GPR39: variants seen among roughly 807,000 people sequenced by gnomAD.
The protein encoded by GPR39 is zinc sensing receptor.
GPR39 carries 23 observed loss-of-function variants against 18.4 expected under a neutral mutation model. The ratio of observed to expected loss-of-function variants is 1.25; its 90% confidence interval spans 0.90 to 1.77. The LOEUF is 1.77. Among genes scored for constraint, GPR39 ranks in the 40% most tolerant of loss-of-function variants. GPR39 has a pLI of 0.00. For synonymous variants in GPR39, 280 were observed against 257.9 expected (o/e 1.09, Z -0.82); for missense variants, 647 against 602.4 (o/e 1.07, Z -0.78).
intron 1 of GPR39, among the ~76,000 whole-genome samples, chr2:132,564,803 C>CT (rs1680316668): frequency 1.1e-5 from 1 of 91,720 alleles, no homozygotes; most frequent in Non-Finnish European, 2.4e-5. Context: ...CTATTTTTTT[C>CT]TTTTTTCTTT....
chr2:132,507,024 A>G (rs1445215220), intron 1 of GPR39, among the ~76,000 whole-genome samples: 3 of 152,026 alleles, frequency 2.0e-5, no homozygotes, highest in Non-Finnish European at 4.4e-5. Context: ...TCCCACTTCC[A>G]TGATAACTCA....
chr2:132,590,939 C>A (rs1285864446), intron 1 of GPR39, among the ~76,000 whole-genome samples: 1 of 151,842 alleles, frequency 6.6e-6, no homozygotes, highest in African/African-American at 2.4e-5. Context: ...TAATCAGCTG[C>A]CAGCACAGCT....
intron 1 of GPR39, among the ~76,000 whole-genome samples, chr2:132,436,031 A>G (rs1680313136): frequency 6.6e-6 from 1 of 152,218 alleles, no homozygotes; most frequent in Non-Finnish European, 1.5e-5. Flanking sequence ...AAAGACTCTC[A>G]GGTGGCCCCA....
intron 1 of GPR39, among the ~76,000 whole-genome samples, chr2:132,603,897 A>G (rs903401999): frequency 2.0e-5 from 3 of 152,202 alleles, no homozygotes; most frequent in Admixed American, 2.0e-4. Context: ...TAAACAATGC[A>G]TTATAGTGAT....
intron 1 of GPR39, among the ~76,000 whole-genome samples, chr2:132,640,285 G>C (rs1681836935): frequency 1.3e-5 from 2 of 152,206 alleles, no homozygotes. Context: ...GAAATGTCAG[G>C]CTTCAGTGCA....
intron 1 of GPR39, among the ~76,000 whole-genome samples, chr2:132,623,800 C>G (rs545140029): frequency 1.3e-5 from 2 of 152,126 alleles, no homozygotes; most frequent in Non-Finnish European, 2.9e-5. Flanking sequence ...TGGAGAAGCC[C>G]GCACAATTGC....
chr2:132,422,305 ATC>A (rs1373712335), intron 1 of GPR39, among the ~76,000 whole-genome samples: 1 of 152,138 alleles, frequency 6.6e-6, no homozygotes, highest in African/African-American at 2.4e-5. Context: ...CATTTGAATC[ATC>A]TGTTTCTTCA....
rs73955705 is a variant in GPR39, at chr2:132,583,304, C to G, written c.857-61797C>G. Among the ~76,000 whole-genome samples the G allele has an allele frequency of 1.6e-4, 24 of 151,658 alleles. 1 individual carries two copies. The highest frequency in any genetic ancestry group is 5.6e-4 in the African/African-American group (23 of 41,304). ...ATATATCCCTTACTGTGGGTCAAAA[C>G]GTTTAAAGCTGCTAGACATTTCTGT... On this transcript the variant is annotated intron_variant, in intron 1 of 1. Transcript: ENST00000329321.
intron 1 of GPR39, among the ~76,000 whole-genome samples, chr2:132,449,350 G>C (rs1680594578): frequency 6.6e-6 from 1 of 152,136 alleles, no homozygotes; most frequent in African/African-American, 2.4e-5. Context: ...AGGTTCAAGG[G>C]ATTCTCCAGC....
chr2:132,561,966 A>T (rs1680261817), intron 1 of GPR39, among the ~76,000 whole-genome samples: 1 of 152,162 alleles, frequency 6.6e-6, no homozygotes, highest in African/African-American at 2.4e-5. Flanking sequence ...CTACCTATTC[A>T]AATGTTAATC....
chr2:132,542,199 A>G (rs185421936), intron 1 of GPR39, among the ~76,000 whole-genome samples: 1 of 152,296 alleles, frequency 6.6e-6, no homozygotes, highest in Non-Finnish European at 1.5e-5. Context: ...CATGCAAAGC[A>G]CCAAAAATAG....
chr2:132,581,324 G>T (rs1405782422), intron 1 of GPR39, among the ~76,000 whole-genome samples: 1 of 140,078 alleles, frequency 7.1e-6, no homozygotes, highest in Non-Finnish European at 1.5e-5. Context: ...GGCTATGGGG[G>T]AACGATAGTG....
At chr2:132,559,316 T>TG (rs1450436863) in intron 1 of GPR39, among the ~76,000 whole-genome samples, 1 of 152,192 alleles carries the variant, frequency 6.6e-6, no homozygotes, top group African/African-American at 2.4e-5. Context: ...TTCCCAGATT[T>TG]GGGGGGTAAC....
chr2:132,608,697 C>G (rs574697813), intron 1 of GPR39, among the ~76,000 whole-genome samples: 28 of 152,290 alleles, frequency 1.8e-4, no homozygotes, highest in African/African-American at 5.8e-4. Context: ...TGATTCAGTT[C>G]TCAGCCATTT....
chr2:132,476,685 C>T (rs1681135602), intron 1 of GPR39, among the ~76,000 whole-genome samples: 1 of 149,650 alleles, frequency 6.7e-6, no homozygotes, highest in Non-Finnish European at 1.5e-5. Context: ...AAGATATGTT[C>T]CCAGGGCACT....
intron 1 of GPR39, among the ~76,000 whole-genome samples, chr2:132,607,331 C>T (rs1681157987): frequency 6.6e-6 from 1 of 152,096 alleles, no homozygotes; most frequent in South Asian, 2.1e-4. Flanking sequence ...GAATAAGCCC[C>T]TGTGTAAAAT....
At chr2:132,608,808 C>T (rs565141284) in intron 1 of GPR39, among the ~76,000 whole-genome samples, 7 of 152,138 alleles carry the variant, frequency 4.6e-5, no homozygotes, top group East Asian at 1.9e-4. Context: ...GGGTGGGGTG[C>T]GGGAGCAGGG....
chr2:132,475,315 C>G (rs182311351), intron 1 of GPR39, among the ~76,000 whole-genome samples: 22 of 151,592 alleles, frequency 1.5e-4, no homozygotes, highest in Admixed American at 1.3e-3. Context: ...TAGTCTACTA[C>G]TTCATAGAAT....
chr2:132,436,488 T>C (rs1219833433), intron 1 of GPR39, among the ~76,000 whole-genome samples: 1 of 152,176 alleles, frequency 6.6e-6, no homozygotes, highest in Non-Finnish European at 1.5e-5. Flanking sequence ...AACTCGAGGC[T>C]GCTGGAGTCA....
Sources: allele counts gnomAD v4.1 joint callset (sites outside exome capture counted in the v4.1 genomes callset), GRCh38; gene constraint gnomAD v4.1.1; transcripts MANE v1.5; gene names NCBI Gene and HGNC (gene_info 2026-07-23, HGNC 2026-07-21).